Variants in NEDD4 observed in about 807,000 individuals in gnomAD.
NEDD4 encodes the protein E3 ubiquitin-protein ligase NEDD4.
A neutral mutation model predicts 144.9 loss-of-function variants in NEDD4; 99 were observed. That is an observed-to-expected ratio of 0.68 (90% confidence interval 0.58 to 0.81). NEDD4 has a LOEUF of 0.81. Ranked by LOEUF, NEDD4 falls within the 30% of genes least tolerant of loss-of-function variation. The pLI is 0.00. For synonymous variants in NEDD4, 318 were observed against 350.6 expected, an observed-to-expected ratio of 0.91 and a Z score of 1.04; for missense variants, 985 against 1,065.9, an observed-to-expected ratio of 0.92 and a Z score of 1.06.
chr15:55,889,613 C>T (rs1407823808), intron 5 of NEDD4, among the ~76,000 whole-genome samples: 1 of 151,706 alleles, frequency 6.6e-6, no homozygotes, highest in Non-Finnish European at 1.5e-5. Flanking sequence ...GTAATGGCTA[C>T]ACAAAAAAGA....
chr15:55,956,940 A>G (rs1234963360), intron 2 of NEDD4, among the ~76,000 whole-genome samples: 1 of 152,174 alleles, frequency 6.6e-6, no homozygotes, highest in African/African-American at 2.4e-5. Context: ...CAGCATATGT[A>G]TCCATTGATT....
chr15:55,971,908 C>CTCCA (rs1360836863), intron 1 of NEDD4, among the ~76,000 whole-genome samples: 1 of 152,146 alleles, frequency 6.6e-6, no homozygotes, highest in Non-Finnish European at 1.5e-5. Flanking sequence ...AACAAAGCAG[C>CTCCA]TCCAATACAT....
chr15:55,876,021 A>G (rs2034980113), intron 5 of NEDD4, among the ~76,000 whole-genome samples: 1 of 152,214 alleles, frequency 6.6e-6, no homozygotes, highest in African/African-American at 2.4e-5. Context: ...CCTAAAATAC[A>G]TTACACACAG....
intron 1 of NEDD4, among the ~76,000 whole-genome samples, chr15:55,981,541 T>C (rs2037804164): frequency 6.6e-6 from 1 of 152,160 alleles, no homozygotes; most frequent in Non-Finnish European, 1.5e-5. Flanking sequence ...ATAAAATCAA[T>C]TAGAAGTGTC....
intron 4 of NEDD4, among the ~76,000 whole-genome samples, chr15:55,943,402 C>T (rs947937071): frequency 6.6e-6 from 1 of 152,182 alleles, no homozygotes; most frequent in African/African-American, 2.4e-5. Context: ...TTTCATAGAC[C>T]AGGCCCAGGG....
At chr15:55,911,465 T>C (rs1225549000) in intron 5 of NEDD4, among the ~76,000 whole-genome samples, 1 of 152,084 alleles carries the variant, frequency 6.6e-6, no homozygotes, top group Non-Finnish European at 1.5e-5. Flanking sequence ...TCCAGATAAA[T>C]AATGTCACAT....
At chr15:55,875,246 T>G (rs1395620386) in intron 5 of NEDD4, among the ~76,000 whole-genome samples, 1 of 152,120 alleles carries the variant, frequency 6.6e-6, no homozygotes, top group Non-Finnish European at 1.5e-5. Flanking sequence ...TCATAATGAA[T>G]GAAAAGATGG....
intron 5 of NEDD4, among the ~76,000 whole-genome samples, chr15:55,914,739 A>T (rs1409820161): frequency 1.3e-5 from 2 of 151,990 alleles, no homozygotes; most frequent in Non-Finnish European, 2.9e-5. Context: ...TGATCTTATA[A>T]ACACATGTAT....
chr15:55,955,301 G>A (rs1325013525), intron 2 of NEDD4, among the ~76,000 whole-genome samples: 1 of 152,110 alleles, frequency 6.6e-6, no homozygotes, highest in Non-Finnish European at 1.5e-5. Flanking sequence ...GTGATTATAG[G>A]TTATAGGCAT....
At chr15:55,958,220 A>G (rs1383052912) in intron 2 of NEDD4, among the ~76,000 whole-genome samples, 3 of 152,188 alleles carry the variant, frequency 2.0e-5, no homozygotes, top group Non-Finnish European at 4.4e-5. Context: ...TAGTTTGCTG[A>G]GAGGTTTTAT....
At chr15:55,850,893 G>T in intron 13 of NEDD4, 151 bp from the exon 14 acceptor site, 2 of 593,756 alleles carry the variant, frequency 3.4e-6, no homozygotes, top group Non-Finnish European at 5.5e-6. Context: ...ATGTAGTTAT[G>T]GCATGTTAAT....
Position 55,840,648 on chromosome 15 carries a change from G to A in NEDD4, c.1918C>T (p.Arg640Trp), listed in dbSNP as rs778649489. 15 of 1,613,970 alleles carry A rather than the reference G, an allele frequency of 9.3e-6. No individual in the cohort carries two copies. The highest frequency in any genetic ancestry group is 1.2e-5 in the Non-Finnish European group (14 of 1,179,964). The change falls in exon 20 of 29, where the codon CGG becomes TGG. Residue 640 changes from arginine to tryptophan, a missense_variant. Arg to Trp is a moderately radical substitution (Grantham distance 101, BLOSUM62 -3). Coordinates refer to ENST00000435532, the MANE Select transcript of NEDD4 (RefSeq NM_006154.4). ...TGATAAACTGCCATTCCAGCTACCC[G>A]ACCAATAAACTTGAAGTAAGAGAGG... Reference protein sequence around the residue: ...DHLSYFKFIGRVAGMAVYHGK... With the variant: ...DHLSYFKFIGWVAGMAVYHGK...
chr15:55,993,031 G>C (rs1282060540), intron 1 of NEDD4, among the ~76,000 whole-genome samples: 6 of 152,182 alleles, frequency 3.9e-5, no homozygotes, highest in Admixed American at 1.3e-4. Context: ...AAACAAACCA[G>C]CGAATGACAA....
chr15:55,872,634 A>T (rs1482126694), intron 6 of NEDD4, among the ~76,000 whole-genome samples, 158 bp from the exon 7 acceptor site: 1 of 152,214 alleles, frequency 6.6e-6, no homozygotes, highest in Non-Finnish European at 1.5e-5. Context: ...CAGTGCTTTC[A>T]CTTTCCTGCC....
At chr15:55,937,743 A>G (rs1382618009) in intron 4 of NEDD4, among the ~76,000 whole-genome samples, 2 of 152,204 alleles carry the variant, frequency 1.3e-5, no homozygotes, top group African/African-American at 4.8e-5. Context: ...AAATGTCCAT[A>G]CTATCCAAAG....
chr15:55,837,504 A>G (rs2033267625), intron 24 of NEDD4, among the ~76,000 whole-genome samples: 1 of 151,874 alleles, frequency 6.6e-6, no homozygotes, highest in Non-Finnish European at 1.5e-5. Context: ...AGAAAAACAA[A>G]CAATATGTTA....
intron 5 of NEDD4, among the ~76,000 whole-genome samples, chr15:55,922,565 G>A (rs1213740546): frequency 9.9e-5 from 15 of 152,186 alleles, no homozygotes; most frequent in Admixed American, 5.2e-4. Context: ...GTTTCACCAC[G>A]TTGGCCAGCC....
intron 5 of NEDD4, among the ~76,000 whole-genome samples, chr15:55,901,730 T>C (rs906216057): frequency 6.6e-6 from 1 of 152,160 alleles, no homozygotes; most frequent in African/African-American, 2.4e-5. Context: ...ATGATTCCAT[T>C]TGTACATATA....
rs144485134 is a variant in NEDD4 at position 55,889,103 on chromosome 15, C to G, written c.292-15095G>C. ...AAATCAAAATGGACAAATGGGATCA[C>G]ATCAAGGTAAAAAGCTTTTGCACAG... On this transcript the variant is annotated intron_variant, in intron 5 of 28. Coordinates refer to ENST00000435532, the MANE Select transcript of NEDD4 (RefSeq NM_006154.4). 6.3e-3 allele frequency among the ~76,000 whole-genome samples: 961 copies of G among 152,228 alleles called. 8 individuals are homozygous for G. Among genetic ancestry groups the G allele is most frequent in the African/African-American group, 0.022 (923 of 41,542 alleles).
Sources: allele counts gnomAD v4.1 joint callset (sites outside exome capture counted in the v4.1 genomes callset), GRCh38; gene constraint gnomAD v4.1.1; transcripts MANE v1.5; gene names NCBI Gene and HGNC (gene_info 2026-07-23, HGNC 2026-07-21).